The following DPP10 variants were observed in gnomAD, a reference collection of about 807,000 sequenced individuals.
DPP10 encodes dipeptidyl peptidase like 10.
In DPP10, 33 loss-of-function variants were observed where a neutral mutation model predicts 120.9. The ratio of observed to expected loss-of-function variants is 0.27; its 90% CI spans 0.21 to 0.37. DPP10 has a LOEUF of 0.37. Among genes scored for constraint, DPP10 ranks in the 10% least tolerant of loss-of-function variants. The pLI is 1.00. For missense variants in DPP10, 816 were observed against 942.8 expected, an observed-to-expected ratio of 0.87 and a Z score of 1.76; for synonymous variants, 337 against 326.1, an observed-to-expected ratio of 1.03 and a Z score of -0.36.
chr2:115,391,100 A>G (rs1165971364), intron 3 of DPP10, among the ~76,000 whole-genome samples: 1 of 152,190 alleles, frequency 6.6e-6, no homozygotes, highest in Non-Finnish European at 1.5e-5. Flanking sequence ...GGTTTTAAGA[A>G]CCACATGAAG....
intron 1 of DPP10, among the ~76,000 whole-genome samples, chr2:115,303,458 A>T (rs2061230134): frequency 6.6e-6 from 1 of 152,058 alleles, no homozygotes; most frequent in Non-Finnish European, 1.5e-5. Context: ...TTTTATACAC[A>T]TTCTCTACTT....
chr2:114,732,483 G>A (rs1308698833), intron 1 of DPP10, among the ~76,000 whole-genome samples: 1 of 152,198 alleles, frequency 6.6e-6, no homozygotes, highest in East Asian at 1.9e-4. Flanking sequence ...GGGGGAGAGA[G>A]TAAAATGGGG....
chr2:114,536,301 A>G (rs1394351570), intron 1 of DPP10, among the ~76,000 whole-genome samples: 1 of 152,106 alleles, frequency 6.6e-6, no homozygotes, highest in South Asian at 2.1e-4. Flanking sequence ...ACCCATTTCC[A>G]TAATTATTTC....
chr2:114,619,372 T>C (rs1693910607), intron 1 of DPP10, among the ~76,000 whole-genome samples: 1 of 147,382 alleles, frequency 6.8e-6, no homozygotes, highest in African/African-American at 2.6e-5. Flanking sequence ...TGTGTGTATA[T>C]ATATACATAT....
intron 1 of DPP10, among the ~76,000 whole-genome samples, chr2:115,147,637 G>T (rs2051298509): frequency 6.6e-6 from 1 of 152,232 alleles, no homozygotes; most frequent in South Asian, 2.1e-4. Flanking sequence ...CAGAGTGGTA[G>T]AGTGGAAAGC....
chr2:115,015,730 G>A (rs931577499), intron 1 of DPP10, among the ~76,000 whole-genome samples: 19 of 152,028 alleles, frequency 1.2e-4, no homozygotes, highest in East Asian at 1.9e-4. Flanking sequence ...GCCATATCAC[G>A]AGTGAACTCC....
intron 1 of DPP10, among the ~76,000 whole-genome samples, chr2:115,115,532 T>G (rs975270699): frequency 3.9e-5 from 6 of 152,182 alleles, no homozygotes; most frequent in East Asian, 1.9e-4. Context: ...TGGATGCACA[T>G]GCCAAATCTA....
chr2:115,486,339 A>C (rs1218752830), intron 3 of DPP10, among the ~76,000 whole-genome samples: 2 of 152,156 alleles, frequency 1.3e-5, no homozygotes, highest in Non-Finnish European at 2.9e-5. Context: ...AAAGAAAGAC[A>C]TAGCTTTATC....
chr2:114,752,439 G>A (rs1211710556), intron 1 of DPP10, among the ~76,000 whole-genome samples: 2 of 152,176 alleles, frequency 1.3e-5, no homozygotes, highest in African/African-American at 4.8e-5. Flanking sequence ...TCAGATTAGA[G>A]CCTCGAATTA....
At chr2:115,565,542 TA>T (rs200920902) in intron 5 of DPP10, among the ~76,000 whole-genome samples, 1 of 151,542 alleles carries the variant, frequency 6.6e-6, no homozygotes, top group South Asian at 2.1e-4. Flanking sequence ...TCCTCAAGGA[TA>T]AAAAAAAATC....
chr2:115,475,572 G>A (rs1229911978), intron 3 of DPP10, among the ~76,000 whole-genome samples: 2 of 152,198 alleles, frequency 1.3e-5, no homozygotes, highest in East Asian at 1.9e-4. Flanking sequence ...GTCTAGTGGA[G>A]CTGTGAGAAG....
intron 5 of DPP10, among the ~76,000 whole-genome samples, chr2:115,642,928 A>T (rs535237442): frequency 6.6e-6 from 1 of 152,054 alleles, no homozygotes; most frequent in Non-Finnish European, 1.5e-5. Flanking sequence ...AACCTGTCCA[A>T]ATGTTTATTT....
intron 19 of DPP10, among the ~76,000 whole-genome samples, chr2:115,793,239 A>T (rs1271595035): frequency 2.0e-5 from 3 of 152,118 alleles, no homozygotes; most frequent in Non-Finnish European, 1.5e-5. Context: ...ACTGGGTTCA[A>T]GTTGGAGTGC....
At chr2:114,625,353 G>A (rs945265570) in intron 1 of DPP10, among the ~76,000 whole-genome samples, 51 of 152,038 alleles carry the variant, frequency 3.4e-4, no homozygotes, top group Middle Eastern at 3.4e-3. Flanking sequence ...AGTTAGATAT[G>A]TCTTTTTAAA....
intron 3 of DPP10, among the ~76,000 whole-genome samples, chr2:115,347,436 A>G (rs1276476422): frequency 6.6e-6 from 1 of 152,112 alleles, no homozygotes; most frequent in African/African-American, 2.4e-5. Context: ...GAAGGTTAAA[A>G]TATTTTTAAA....
intron 1 of DPP10, among the ~76,000 whole-genome samples, chr2:114,503,453 C>T (rs1456386962): frequency 6.6e-6 from 1 of 152,064 alleles, no homozygotes; most frequent in Admixed American, 6.5e-5. Context: ...GATTCAAATG[C>T]CTTGATACTG....
chr2:114,605,865 G>T (rs751734050), intron 1 of DPP10, among the ~76,000 whole-genome samples: 2 of 152,062 alleles, frequency 1.3e-5, no homozygotes, highest in African/African-American at 2.4e-5. Flanking sequence ...AACTGGGCTT[G>T]GGTGTTCACT....
At chr2:114,509,846 G>A (rs961383245) in intron 1 of DPP10, among the ~76,000 whole-genome samples, 5 of 152,244 alleles carry the variant, frequency 3.3e-5, no homozygotes, top group Non-Finnish European at 5.9e-5. Flanking sequence ...TTTCATGTAA[G>A]TAAAGTTGAG....
chr2:115,636,292 T>C (rs2086327251), intron 5 of DPP10, among the ~76,000 whole-genome samples: 1 of 152,144 alleles, frequency 6.6e-6, no homozygotes, highest in Non-Finnish European at 1.5e-5. Context: ...TATTTTAAAT[T>C]AGATAAGACT....
Sources: allele counts gnomAD v4.1 joint callset (sites outside exome capture counted in the v4.1 genomes callset), GRCh38; gene constraint gnomAD v4.1.1; transcripts MANE v1.5; gene names NCBI Gene and HGNC (gene_info 2026-07-23, HGNC 2026-07-21).